Variants in TMEM132C observed in about 807,000 individuals in gnomAD.
TMEM132C encodes the protein transmembrane protein 132C.
In TMEM132C, 29 loss-of-function variants were observed where a neutral mutation model predicts 61.4. The ratio of observed to expected loss-of-function variants is 0.47; its 90% CI spans 0.35 to 0.64. The LOEUF (loss-of-function observed/expected upper bound fraction) is 0.64, where lower values mean the gene tolerates loss of function less well. Ranked by LOEUF, TMEM132C falls within the 30% of genes least tolerant of loss-of-function variation. The pLI, the probability that TMEM132C is intolerant of heterozygous loss-of-function variation, is 0.00. For synonymous variants in TMEM132C, 656 were observed against 633.1 expected, an observed-to-expected ratio of 1.04 and a Z score of -0.54; for missense variants, 1,408 against 1,476.9, an observed-to-expected ratio of 0.95 and a Z score of 0.76.
intron 4 of TMEM132C, among the ~76,000 whole-genome samples, chr12:128,622,360 A>AAAAAAAT (rs1277080166): frequency 8.3e-4 from 25 of 30,114 alleles, no homozygotes; most frequent in African/African-American, 2.0e-3. Context: ...AAAAAAAAAA[A>AAAAAAAT]ATATATATAT....
At chr12:128,456,240 G>A (rs555310260) in intron 2 of TMEM132C, among the ~76,000 whole-genome samples, 312 of 152,028 alleles carry the variant, frequency 2.1e-3, no homozygotes, top group Non-Finnish European at 2.7e-3. Flanking sequence ...TCTGAGACCC[G>A]ATGCAGTCTT....
At chr12:128,385,556 G>A (rs1356401650) in intron 1 of TMEM132C, among the ~76,000 whole-genome samples, 1 of 152,214 alleles carries the variant, frequency 6.6e-6, no homozygotes, top group Non-Finnish European at 1.5e-5. Context: ...GCCGCTATAA[G>A]AGACCTGAGC....
At chr12:128,296,511 G>A (rs369431199) in intron 1 of TMEM132C, among the ~76,000 whole-genome samples, 1 of 152,246 alleles carries the variant, frequency 6.6e-6, no homozygotes, top group African/African-American at 2.4e-5. Context: ...CTTTACAGAG[G>A]CTTCTCTCAA....
intron 2 of TMEM132C, among the ~76,000 whole-genome samples, chr12:128,518,416 G>A (rs1414924566): frequency 1.3e-5 from 2 of 152,208 alleles, no homozygotes; most frequent in Non-Finnish European, 2.9e-5. Flanking sequence ...CACTTGCCCT[G>A]TGGCTTGCTG....
chr12:128,521,877 C>T lies in TMEM132C; in HGVS notation c.975-22080C>T, dbSNP rs146197796. ...TATTGTATGTAAAAATCCCTATCAA[C>T]GGCTTCTTGTTCAAAATTATGTGCT... On this transcript the variant is annotated intron_variant, in intron 2 of 8. Transcript: ENST00000435159. 1.3e-3 allele frequency among the ~76,000 whole-genome samples: 193 copies of T among 152,276 alleles called. 1 individual carries two copies. The highest frequency in any genetic ancestry group is 4.2e-3 in the African/African-American group (176 of 41,544).
chr12:128,306,848 C>G (rs207473499), intron 1 of TMEM132C, among the ~76,000 whole-genome samples: 1 of 152,084 alleles, frequency 6.6e-6, no homozygotes, highest in African/African-American at 2.4e-5. Context: ...TTTGTCCTCT[C>G]GTTGGCATGT....
chr12:128,464,368 C>T (rs949873208), intron 2 of TMEM132C, among the ~76,000 whole-genome samples: 3 of 152,322 alleles, frequency 2.0e-5, no homozygotes, highest in African/African-American at 7.2e-5. Flanking sequence ...TGATATTCAG[C>T]ATGAGCCAGG....
chr12:128,600,809 T>C (rs1476011851), intron 3 of TMEM132C, among the ~76,000 whole-genome samples: 1 of 152,214 alleles, frequency 6.6e-6, no homozygotes, highest in African/African-American at 2.4e-5. Context: ...GCCTGGTGAA[T>C]GCTTGATGGA....
chr12:128,589,918 C>G (rs1229271392), intron 3 of TMEM132C, among the ~76,000 whole-genome samples: 1 of 152,192 alleles, frequency 6.6e-6, no homozygotes, highest in African/African-American at 2.4e-5. Context: ...CTTAGAATCA[C>G]TCTTATTCAT....
At chr12:128,459,440 T>G (rs955961443) in intron 2 of TMEM132C, among the ~76,000 whole-genome samples, 5 of 151,888 alleles carry the variant, frequency 3.3e-5, no homozygotes, top group Non-Finnish European at 5.9e-5. Flanking sequence ...TCTTTAGGAT[T>G]TGGTTGTTGG....
At chr12:128,416,480 T>C (rs368818470) in intron 2 of TMEM132C, among the ~76,000 whole-genome samples, 1 of 152,244 alleles carries the variant, frequency 6.6e-6, no homozygotes, top group African/African-American at 2.4e-5. Context: ...TTTCTTGTTA[T>C]AGTTAAGAAG....
At chr12:128,310,276 T>A (rs926991817) in intron 1 of TMEM132C, among the ~76,000 whole-genome samples, 2 of 152,230 alleles carry the variant, frequency 1.3e-5, no homozygotes, top group African/African-American at 4.8e-5. Context: ...GAGAGTGGAT[T>A]GGTGGCTACC....
intron 4 of TMEM132C, among the ~76,000 whole-genome samples, chr12:128,621,845 G>T (rs987231139): frequency 6.6e-6 from 1 of 152,190 alleles, no homozygotes; most frequent in Admixed American, 6.5e-5. Flanking sequence ...GCTGGGACTA[G>T]CGTGGGGTGT....
intron 1 of TMEM132C, among the ~76,000 whole-genome samples, chr12:128,351,527 G>C (rs1448216616): frequency 6.6e-6 from 1 of 152,188 alleles, no homozygotes; most frequent in African/African-American, 2.4e-5. Flanking sequence ...ATAAAGACAA[G>C]AAATCTATTT....
At chr12:128,546,925 G>A (rs1706070519) in intron 3 of TMEM132C, among the ~76,000 whole-genome samples, 2 of 152,194 alleles carry the variant, frequency 1.3e-5, no homozygotes, top group Non-Finnish European at 2.9e-5. Flanking sequence ...TTACAGCATG[G>A]CCTCTGTCAT....
At chr12:128,436,008 A>G (rs535089839) in intron 2 of TMEM132C, among the ~76,000 whole-genome samples, 1 of 152,298 alleles carries the variant, frequency 6.6e-6, no homozygotes, top group Admixed American at 6.5e-5. Context: ...ATCTAAAACC[A>G]TCTGATCTTT....
At chr12:128,336,789 C>A (rs1338843360) in intron 1 of TMEM132C, among the ~76,000 whole-genome samples, 1 of 152,154 alleles carries the variant, frequency 6.6e-6, no homozygotes, top group Non-Finnish European at 1.5e-5. Context: ...CTTTCAGAAC[C>A]CTGCATCCCT....
At chr12:128,584,526 C>T (rs1002319711) in intron 3 of TMEM132C, among the ~76,000 whole-genome samples, 1 of 152,214 alleles carries the variant, frequency 6.6e-6, no homozygotes, top group Non-Finnish European at 1.5e-5. Flanking sequence ...TGGTTTCCTA[C>T]CTTTTGTGTA....
At chr12:128,613,054 T>G (rs1876686227) in intron 3 of TMEM132C, among the ~76,000 whole-genome samples, 1 of 152,192 alleles carries the variant, frequency 6.6e-6, no homozygotes, top group Admixed American at 6.5e-5. Context: ...TGAAGAGAAG[T>G]GCAGGCTGAA....
Sources: allele counts gnomAD v4.1 joint callset (sites outside exome capture counted in the v4.1 genomes callset), GRCh38; gene constraint gnomAD v4.1.1; transcripts MANE v1.5; gene names NCBI Gene and HGNC (gene_info 2026-07-23, HGNC 2026-07-21).